NTM: variants seen among roughly 807,000 people sequenced by gnomAD.
NTM encodes the protein IgLON family member 2.
Under a neutral mutation model 42.1 loss-of-function variants are expected in NTM, and 13 were observed. That is an observed-to-expected ratio of 0.31 (90% CI 0.20 to 0.49). NTM has a LOEUF of 0.49. Ranked by LOEUF, NTM falls within the 20% of genes least tolerant of loss-of-function variation. NTM has a pLI of 0.99. For synonymous variants in NTM, 187 were observed against 179.2 expected (o/e 1.04, Z -0.35); for missense variants, 373 against 452.8 (o/e 0.82, Z 1.60).
intron 2 of NTM, among the ~76,000 whole-genome samples, chr11:131,956,030 G>A (rs906027653): frequency 2.0e-5 from 3 of 152,174 alleles, no homozygotes; most frequent in Non-Finnish European, 2.9e-5. Flanking sequence ...CACTCCCTGG[G>A]CCAGGCAGGG....
chr11:132,170,015 A>T (rs1257884365), intron 3 of NTM, among the ~76,000 whole-genome samples: 2 of 152,182 alleles, frequency 1.3e-5, no homozygotes, highest in African/African-American at 2.4e-5. Flanking sequence ...TCACTCTGGG[A>T]TGGAGAGGGA....
chr11:132,203,662 C>A (rs934365659), intron 3 of NTM, among the ~76,000 whole-genome samples: 1 of 152,082 alleles, frequency 6.6e-6, no homozygotes, highest in Non-Finnish European at 1.5e-5. Context: ...GAGGCTGAGG[C>A]GGGCAGATCA....
At chr11:131,401,837 T>C (rs1945248677) in intron 1 of NTM, among the ~76,000 whole-genome samples, 1 of 98,040 alleles carries the variant, frequency 1.0e-5, no homozygotes, top group Non-Finnish European at 2.2e-5. Flanking sequence ...TATATATATA[T>C]ATATATATAT....
Position 132,146,652 on chromosome 11 carries a change from G to A in NTM, c.400+138G>A. Reference sequence around the variant, plus strand: ...TGGGGTCCAGGGCACATTTCTGGTTGTCATTTTGCAGTTAGAAGCTAAATT... The same window carrying A: ...TGGGGTCCAGGGCACATTTCTGGTTATCATTTTGCAGTTAGAAGCTAAATT... On this transcript the variant is annotated intron_variant, in intron 3 of 8. Transcript: ENST00000683400. This position sits in a 1 kb window ranked among gnomAD's most constrained non-coding sequence, Gnocchi z 4.5. 1.2e-6 allele frequency: 1 copy of A among 856,460 alleles called. No homozygotes were observed. The highest frequency in any genetic ancestry group is 2.8e-5 in the East Asian group (1 of 35,754). The allele number at this position is 856,460 out of a possible 1,614,324, so 53.1% of individuals were successfully genotyped here. A position where few individuals can be genotyped will look rare whatever the true frequency, so the allele number is the denominator to read the frequency against.
At chr11:131,702,312 A>G (rs963680679) in intron 1 of NTM, among the ~76,000 whole-genome samples, 1 of 152,244 alleles carries the variant, frequency 6.6e-6, no homozygotes, top group Non-Finnish European at 1.5e-5. Flanking sequence ...TTAAAAGTCA[A>G]CATATAGTGA....
chr11:132,314,778 C>A (rs2095379490), intron 7 of NTM, 75 bp downstream of exon 7: 3 of 1,492,562 alleles, frequency 2.0e-6, no homozygotes, highest in Non-Finnish European at 2.7e-6. Context: ...GAGGGCCCCT[C>A]AAGGCCAGGG....
At chr11:132,176,746 T>A (rs1182382416) in intron 3 of NTM, among the ~76,000 whole-genome samples, 2 of 148,026 alleles carry the variant, frequency 1.4e-5, no homozygotes, top group Admixed American at 6.7e-5. Flanking sequence ...TTTTTTTTTT[T>A]AGACAGAGTC....
chr11:131,670,511 G>A (rs2069978952), intron 1 of NTM, among the ~76,000 whole-genome samples: 1 of 152,116 alleles, frequency 6.6e-6, no homozygotes, highest in African/African-American at 2.4e-5. Flanking sequence ...CTGTGGCAAC[G>A]TGGGTTGGAA....
intron 1 of NTM, among the ~76,000 whole-genome samples, chr11:131,742,089 G>A (rs1170647945): frequency 6.6e-6 from 1 of 152,188 alleles, no homozygotes; most frequent in African/African-American, 2.4e-5. Flanking sequence ...GAGGCTGGGA[G>A]GTGGGTGAGG....
chr11:132,240,225 T>C (rs1256960595), intron 4 of NTM, among the ~76,000 whole-genome samples: 2 of 152,258 alleles, frequency 1.3e-5, no homozygotes, highest in Admixed American at 6.5e-5. Context: ...GAGACAAATA[T>C]AAATAACTTT....
intron 3 of NTM, among the ~76,000 whole-genome samples, chr11:132,173,347 G>A (rs1371690075): frequency 1.3e-5 from 2 of 152,192 alleles, no homozygotes; most frequent in Non-Finnish European, 2.9e-5. Context: ...GATTGTCCAT[G>A]AGTGTGCAGC....
intron 1 of NTM, among the ~76,000 whole-genome samples, chr11:131,515,792 C>T (rs1565588855): frequency 6.6e-6 from 1 of 152,120 alleles, no homozygotes; most frequent in East Asian, 1.9e-4. Flanking sequence ...AGAAACGTTT[C>T]AGGGAGATTG....
chr11:132,334,661 T>G (rs1180499017), intron 8 of NTM, among the ~76,000 whole-genome samples: 2 of 152,076 alleles, frequency 1.3e-5, no homozygotes, highest in African/African-American at 4.8e-5. Context: ...CAGAAGTGGA[T>G]GGGTGATGAG....
chr11:131,443,454 G>A (rs1230047608), intron 1 of NTM, among the ~76,000 whole-genome samples: 1 of 152,152 alleles, frequency 6.6e-6, no homozygotes, highest in East Asian at 1.9e-4. Flanking sequence ...AGGTGCCTGT[G>A]AATCATCCAG....
intron 4 of NTM, among the ~76,000 whole-genome samples, chr11:132,288,740 C>A (rs2094344485): frequency 6.6e-6 from 1 of 152,172 alleles, no homozygotes; most frequent in Admixed American, 6.5e-5. Flanking sequence ...CTGCCTCAGC[C>A]TCCTGAGTAG....
rs990596983 is a variant in NTM at position 131,742,068 on chromosome 11, A to G, written c.83-169496A>G. Among the ~76,000 whole-genome samples the G allele has an allele frequency of 3.9e-5, 6 of 152,164 alleles. No individual in the cohort carries two copies. The East Asian group carries it at 5.8e-4, about 15-fold the overall frequency. ...AAGAGAACAACACACACTGGGGCCT[A>G]TTGGAGGGTGGAGGCTGGGAGGTGG... On this transcript the variant is annotated intron_variant, in intron 1 of 8. Coordinates refer to ENST00000683400, the MANE Select transcript of NTM (RefSeq NM_001352005.2).
intron 2 of NTM, among the ~76,000 whole-genome samples, chr11:132,086,470 C>T (rs1050137335): frequency 1.3e-5 from 2 of 152,084 alleles, no homozygotes; most frequent in African/African-American, 4.8e-5. Flanking sequence ...CTTGGATACC[C>T]CCTTTTAATT....
chr11:132,212,062 T>C lies in NTM; in HGVS notation c.441T>C (p.Ile147=), dbSNP rs1317438015. 1.9e-6 allele frequency: 3 copies of C among 1,612,922 alleles called. No homozygotes were observed. Among genetic ancestry groups the C allele is most frequent in the African/African-American group, 1.3e-5 (1 of 74,888 alleles). The stretch of plus-strand genomic sequence containing the variant: ...TAGAGATTTCTTCAGATATCTCCAT[T>C]AATGAAGGGAACAATATTAGCCTCA... ...KIVEISSDIS[I]NEGNNISLTC... is the part of the protein sequence containing the mutation. Residue 147 remains isoleucine, a synonymous_variant, in exon 4 of 9, where the codon ATT becomes ATC. Transcript: ENST00000683400.
At chr11:132,046,326 AT>A (rs955697817) in intron 2 of NTM, among the ~76,000 whole-genome samples, 4 of 142,448 alleles carry the variant, frequency 2.8e-5, no homozygotes, top group Admixed American at 7.0e-5. Context: ...AAGGCATTCA[AT>A]AGATATTTGT....
Sources: gnomAD v4.1 joint callset for allele counts (sites outside exome capture counted in the v4.1 genomes callset) on GRCh38, gnomAD v4.1.1 for gene constraint, Gnocchi (gnomAD v3.1) non-coding constraint, MANE v1.5 for transcripts, NCBI Gene and HGNC (gene_info 2026-07-23, HGNC 2026-07-21) for gene names.